Variants in SPOCK1 observed in about 807,000 individuals in gnomAD.
The protein encoded by SPOCK1 is SPARC (osteonectin), cwcv and kazal like domains proteoglycan 1.
SPOCK1 carries 23 observed loss-of-function variants against 55.3 expected under a neutral mutation model. The observed-to-expected ratio is 0.42, with a 90% CI of 0.30 to 0.59. SPOCK1 has a LOEUF of 0.59. Ranked by LOEUF, SPOCK1 falls within the 20% of genes least tolerant of loss-of-function variation. The probability of loss-of-function intolerance (pLI) is 0.22; values close to 1 mark genes in which losing one functional copy is unlikely to be tolerated. For synonymous variants in SPOCK1, 226 were observed against 221.0 expected (o/e 1.02, Z -0.20); for missense variants, 499 against 552.5 (o/e 0.90, Z 0.97).
chr5:137,453,220 G>A (rs538941095), intron 2 of SPOCK1, among the ~76,000 whole-genome samples: 4 of 152,216 alleles, frequency 2.6e-5, no homozygotes, highest in South Asian at 2.1e-4. Flanking sequence ...TATGAAATTC[G>A]CTGTCAATGC....
chr5:137,494,397 T>C (rs1003433028), intron 2 of SPOCK1, among the ~76,000 whole-genome samples: 1 of 152,054 alleles, frequency 6.6e-6, no homozygotes, highest in Non-Finnish European at 1.5e-5. Flanking sequence ...GAGCCTAGAG[T>C]CAGATGGCAT....
intron 2 of SPOCK1, among the ~76,000 whole-genome samples, chr5:137,368,782 T>G (rs1751133000): frequency 6.6e-6 from 1 of 152,180 alleles, no homozygotes; most frequent in South Asian, 2.1e-4. Context: ...GTGTCTCCCT[T>G]CACCACTGCA....
chr5:136,979,354 C>A lies in SPOCK1; in HGVS notation c.1107G>T (p.Arg369Ser). Residue 369 changes from arginine to serine, a missense_variant, in exon 10 of 11, where the codon AGG becomes AGT. Physicochemically the swap from Arg to Ser is moderately radical, Grantham distance 110. Coordinates refer to ENST00000394945, the MANE Select transcript of SPOCK1 (RefSeq NM_004598.4). ...DKYGNELAGS[R>S]KQGAVSCEEE... ...CACCACAGCTCACAGCACCCTGTTTCCTGGAGCCAGCCAACTCATTCCCAT... is the reference window on the plus strand; with the variant it reads ...CACCACAGCTCACAGCACCCTGTTTACTGGAGCCAGCCAACTCATTCCCAT... 1 of 1,614,146 alleles carries A rather than the reference C, an allele frequency of 6.2e-7. No individual in the cohort carries two copies.
intron 2 of SPOCK1, among the ~76,000 whole-genome samples, chr5:137,292,103 A>G (rs970857394): frequency 6.6e-6 from 1 of 152,200 alleles, no homozygotes; most frequent in Non-Finnish European, 1.5e-5. Flanking sequence ...CCATGCCTGA[A>G]GTCCAACAAA....
intron 6 of SPOCK1, among the ~76,000 whole-genome samples, chr5:137,022,297 T>A (rs1429501017): frequency 6.6e-6 from 1 of 152,126 alleles, no homozygotes; most frequent in African/African-American, 2.4e-5. Flanking sequence ...ATTCATGTAC[T>A]AGCTGACAGC....
At chr5:137,340,865 A>C (rs1750405131) in intron 2 of SPOCK1, among the ~76,000 whole-genome samples, 1 of 150,806 alleles carries the variant, frequency 6.6e-6, no homozygotes, top group African/African-American at 2.4e-5. Context: ...TGGGTGACAC[A>C]GTGAGATTCC....
intron 2 of SPOCK1, among the ~76,000 whole-genome samples, chr5:137,459,799 A>G (rs1753442750): frequency 6.6e-6 from 1 of 152,216 alleles, no homozygotes; most frequent in South Asian, 2.1e-4. Context: ...TGTAAGCACT[A>G]GAGCCATTCA....
At chr5:137,156,474 T>A (rs913437122) in intron 3 of SPOCK1, among the ~76,000 whole-genome samples, 1 of 152,024 alleles carries the variant, frequency 6.6e-6, no homozygotes, top group Non-Finnish European at 1.5e-5. Context: ...GAGAATAGAG[T>A]TTACTCTGAA....
At chr5:137,019,435 A>C (rs1476108423) in intron 6 of SPOCK1, among the ~76,000 whole-genome samples, 4 of 152,088 alleles carry the variant, frequency 2.6e-5, no homozygotes, top group Non-Finnish European at 1.5e-5. Context: ...GTATTCCTAT[A>C]CTATCACATT....
chr5:137,478,397 G>C (rs1030048406), intron 2 of SPOCK1, among the ~76,000 whole-genome samples: 3 of 152,076 alleles, frequency 2.0e-5, no homozygotes, highest in Admixed American at 6.6e-5. Context: ...CCTGGCATTG[G>C]TATCCCAAAA....
intron 5 of SPOCK1, among the ~76,000 whole-genome samples, chr5:137,104,763 A>T (rs970679562): frequency 6.6e-6 from 1 of 152,196 alleles, no homozygotes; most frequent in Non-Finnish European, 1.5e-5. Context: ...ATCTAGTTGT[A>T]GGAAAACAAG....
chr5:137,112,414 T>C (rs1561613525), intron 5 of SPOCK1, 21 bp downstream of exon 5: 2 of 1,607,948 alleles, frequency 1.2e-6, no homozygotes, highest in Non-Finnish European at 1.7e-6. Context: ...TTTGATAACA[T>C]AAAAAGACAA....
At chr5:137,252,525 C>T (rs1048844514) in intron 3 of SPOCK1, among the ~76,000 whole-genome samples, 1 of 152,274 alleles carries the variant, frequency 6.6e-6, no homozygotes, top group African/African-American at 2.4e-5. Context: ...CCTGACTGAT[C>T]CCTGCCCTGT....
chr5:137,444,709 C>T (rs183574523), intron 2 of SPOCK1, among the ~76,000 whole-genome samples: 7 of 152,310 alleles, frequency 4.6e-5, no homozygotes, highest in Non-Finnish European at 1.0e-4. Context: ...TGGGGACCTG[C>T]GGAGAATCTA....
intron 3 of SPOCK1, among the ~76,000 whole-genome samples, chr5:137,193,284 G>A (rs1390017743): frequency 1.3e-5 from 2 of 152,166 alleles, no homozygotes; most frequent in Non-Finnish European, 2.9e-5. Context: ...GCAAGAGACA[G>A]TGAGAAGTGA....
intron 4 of SPOCK1, among the ~76,000 whole-genome samples, chr5:137,121,169 T>C (rs1008842031): frequency 6.6e-6 from 1 of 152,208 alleles, no homozygotes; most frequent in Admixed American, 6.5e-5. Context: ...TAGCACTGCA[T>C]TAAATGTACG....
rs1373247269 is a variant in SPOCK1, at chr5:137,279,819, C to T, written c.187-12764G>A. On this transcript the variant is annotated intron_variant, in intron 2 of 10. Coordinates refer to ENST00000394945, the MANE Select transcript of SPOCK1 (RefSeq NM_004598.4). ...AAGCTCACACCCTGGCCCTTCCAAT[C>T]CAGCAGCAAGTTTTGCCATGCCACC... 2.6e-5 allele frequency among the ~76,000 whole-genome samples: 4 copies of T among 152,360 alleles called. No homozygotes were observed. In the East Asian group the frequency reaches 7.7e-4, roughly 29 times the overall value.
chr5:137,144,268 C>A (rs1394283805), intron 3 of SPOCK1, among the ~76,000 whole-genome samples: 1 of 152,110 alleles, frequency 6.6e-6, no homozygotes. Flanking sequence ...CCATCTGTCA[C>A]CCTACCTTAG....
chr5:137,210,026 T>G (rs1755583262), intron 3 of SPOCK1, among the ~76,000 whole-genome samples: 1 of 152,204 alleles, frequency 6.6e-6, no homozygotes, highest in Admixed American at 6.5e-5. Context: ...AACTGCAAGA[T>G]CTTGGGACCA....
Sources: allele counts gnomAD v4.1 joint callset (sites outside exome capture counted in the v4.1 genomes callset), GRCh38; gene constraint gnomAD v4.1.1; transcripts MANE v1.5; gene names NCBI Gene and HGNC (gene_info 2026-07-23, HGNC 2026-07-21).